Variants in SPINK4 observed in about 807,000 individuals in gnomAD.
The protein encoded by SPINK4 is serine protease inhibitor Kazal-type 4.
SPINK4 carries 10 observed loss-of-function variants against 12.3 expected under a neutral mutation model. The observed-to-expected ratio is 0.81, with a 90% CI of 0.50 to 1.37. SPINK4 has a LOEUF of 1.37. SPINK4 is among the 40% of genes most tolerant of loss of function. The pLI, the probability that SPINK4 is intolerant of heterozygous loss-of-function variation, is 0.00. For missense variants in SPINK4, 91 were observed against 109.0 expected, an observed-to-expected ratio of 0.84 and a Z score of 0.73; for synonymous variants, 37 against 40.2, an observed-to-expected ratio of 0.92 and a Z score of 0.30.
At chr9:33,246,778 T>G in intron 3 of SPINK4, 50 bp downstream of exon 3, 1 of 1,535,634 alleles carries the variant, frequency 6.5e-7, no homozygotes, top group Non-Finnish European at 9.0e-7. Context: ...CCATCTCTGG[T>G]GCACAGTCTG....
At chr9:33,245,248 C>T (rs1456725885) in intron 2 of SPINK4, 96 bp downstream of exon 2, 1 of 1,336,390 alleles carries the variant, frequency 7.5e-7, no homozygotes, top group African/African-American at 1.5e-5. Flanking sequence ...CGATCCTGCT[C>T]AGACACCTTC....
intron 1 of SPINK4, among the ~76,000 whole-genome samples, chr9:33,242,557 C>T (rs1820247959): frequency 6.6e-6 from 1 of 151,998 alleles, no homozygotes; most frequent in Non-Finnish European, 1.5e-5. Context: ...TTAGGGTCAG[C>T]TTACGCAGTA....
At chr9:33,247,368 A>G (rs1319497746) in intron 3 of SPINK4, among the ~76,000 whole-genome samples, 2 of 149,282 alleles carry the variant, frequency 1.3e-5, no homozygotes, top group African/African-American at 4.9e-5. Flanking sequence ...GGGTTTCACC[A>G]TGTTGGCCAG....
At chr9:33,242,979 G>A (rs916278070) in intron 1 of SPINK4, among the ~76,000 whole-genome samples, 10 of 151,450 alleles carry the variant, frequency 6.6e-5, no homozygotes, top group East Asian at 1.9e-4. Context: ...GGATTCAAAC[G>A]ATCCTCCTAT....
chr9:33,246,767 C>T (rs1205168971), intron 3 of SPINK4, 39 bp downstream of exon 3: 1 of 1,562,250 alleles, frequency 6.4e-7, no homozygotes, highest in African/African-American at 1.4e-5. Context: ...TTGGGTGGGC[C>T]CCATCTCTGG....
chr9:33,245,255 C>G, intron 2 of SPINK4, 103 bp downstream of exon 2: 2 of 1,289,184 alleles, frequency 1.6e-6, no homozygotes, highest in Non-Finnish European at 2.1e-6. Context: ...GCTCAGACAC[C>G]TTCAATGGCT....
Position 33,240,204 on chromosome 9 carries a change from T to C in SPINK4, c.-5T>C, listed in dbSNP as rs2117863827. 6.2e-7 allele frequency: 1 copy of C among 1,603,710 alleles called. No individual in the cohort carries two copies. Among genetic ancestry groups the C allele is most frequent in the East Asian group, 2.3e-5 (1 of 43,828 alleles). On this transcript the variant is annotated 5_prime_UTR_variant, in exon 1 of 4. Coordinates refer to ENST00000379721, the MANE Select transcript of SPINK4 (RefSeq NM_014471.3). ...CAGCTCAGGCTACACTATCCCAGGATCAGCATGGCCGTCCGCCAGTGGGTA... is the reference window on the plus strand; with the variant it reads ...CAGCTCAGGCTACACTATCCCAGGACCAGCATGGCCGTCCGCCAGTGGGTA...
At chr9:33,247,160 A>ATT (rs34574251) in intron 3 of SPINK4, among the ~76,000 whole-genome samples, 75,826 of 136,020 alleles carry the variant, frequency 0.56, 25,699 homozygotes, top group East Asian at 0.73. Context: ...GCAGCACAGA[A>ATT]TTTTTTTTTT....
chr9:33,247,158 G>T (rs1429425063), intron 3 of SPINK4, among the ~76,000 whole-genome samples: 1 of 104,170 alleles, frequency 9.6e-6, no homozygotes, highest in Non-Finnish European at 2.0e-5. Context: ...TTGCAGCACA[G>T]AATTTTTTTT....
At chr9:33,241,129 T>A (rs912305598) in intron 1 of SPINK4, among the ~76,000 whole-genome samples, 1 of 135,814 alleles carries the variant, frequency 7.4e-6, no homozygotes, top group Non-Finnish European at 1.5e-5. Flanking sequence ...TGGGAGAAGA[T>A]TCCAGGCAGA....
chr9:33,248,335 G>A lies in SPINK4; in HGVS notation c.216-91G>A, dbSNP rs1564074778. The A allele has an allele frequency of 1.1e-5, 15 of 1,383,774 alleles. No individual in the cohort carries two copies. In the East Asian group the frequency reaches 3.4e-4, roughly 32 times the overall value. The allele number at this position is 1,383,774 out of a possible 1,614,324, so 85.7% of individuals were successfully genotyped here. On this transcript the variant is annotated intron_variant, in intron 3 of 3. Coordinates refer to ENST00000379721, the MANE Select transcript of SPINK4 (RefSeq NM_014471.3). ...ACACTGCATATGTGGGCGACGCTCA[G>A]CAGGATGTCTGGATGGACTGTGCCA...
intron 1 of SPINK4, among the ~76,000 whole-genome samples, chr9:33,244,031 T>C (rs912908069): frequency 2.0e-5 from 3 of 151,972 alleles, no homozygotes; most frequent in Admixed American, 1.3e-4. Context: ...CTTTGTGAGG[T>C]TGAAAAGAGT....
At chr9:33,246,812 T>C in intron 3 of SPINK4, 84 bp downstream of exon 3, 2 of 1,170,640 alleles carry the variant, frequency 1.7e-6, no homozygotes, top group Non-Finnish European at 2.5e-6. Context: ...TTGACCTGCT[T>C]CTTCCTTCAT....
chr9:33,246,403 C>T (rs900623129), intron 2 of SPINK4, among the ~76,000 whole-genome samples: 3 of 152,180 alleles, frequency 2.0e-5, no homozygotes, highest in African/African-American at 4.8e-5. Context: ...TGTACACATC[C>T]AGCCATAGGC....
Position 33,246,674 on chromosome 9 carries a change from G to A in SPINK4, c.161G>A (p.Cys54Tyr), listed in dbSNP as rs374686870. ...TGTTCCCAGATGTCCAACCTGGTCT[G>A]CGGCACTGATGGGCTCACATATACG... ...PTCSQMSNLV[C>Y]GTDGLTYTNE... is the part of the protein sequence containing the mutation. Residue 54 changes from cysteine (C) to tyrosine (Y), a missense_variant, in exon 3 of 4, where the codon TGC (cysteine) becomes TAC (tyrosine). By Grantham distance (194) the Cys-to-Tyr change is radical. Transcript: ENST00000379721. 17 of 1,613,938 alleles carry A rather than the reference G, an allele frequency of 1.1e-5. No individual in the cohort carries two copies. The highest frequency in any genetic ancestry group is 3.3e-5 in the Admixed American group (2 of 59,980).
rs759553135 is a variant in SPINK4, at chr9:33,246,703, G to A, written c.190G>A (p.Glu64Lys). Residue 64 changes from glutamate to lysine, a missense_variant, in exon 3 of 4, where the codon GAA becomes AAA. By Grantham distance (56) the Glu-to-Lys change is moderately conservative. Transcript: ENST00000379721. ...CACTGATGGGCTCACATATACGAAT[G>A]AATGCCAGCTCTGCTTGGCCCGGAT... ...CGTDGLTYTN[E>K]CQLCLARIKT... 6.2e-7 allele frequency: 1 copy of A among 1,613,976 alleles called. No homozygotes were observed. The highest frequency in any genetic ancestry group is 8.5e-7 in the Non-Finnish European group (1 of 1,179,998).
chr9:33,242,770 T>C (rs1820250081), intron 1 of SPINK4, among the ~76,000 whole-genome samples: 1 of 152,120 alleles, frequency 6.6e-6, no homozygotes, highest in African/African-American at 2.4e-5. Context: ...ATACAGGACC[T>C]CTTGAGACAA....
intron 1 of SPINK4, among the ~76,000 whole-genome samples, chr9:33,241,067 C>G (rs567798304): frequency 6.6e-6 from 1 of 152,098 alleles, no homozygotes; most frequent in South Asian, 2.1e-4. Flanking sequence ...TCTGAGAGTC[C>G]GATGTTTGAG....
intron 2 of SPINK4, 25 bp downstream of exon 2, chr9:33,245,177 A>C: frequency 6.2e-7 from 1 of 1,611,074 alleles, no homozygotes; most frequent in Non-Finnish European, 8.5e-7. Context: ...TGTTGTTCTC[A>C]CCTTCTCTCT....
Sources: allele counts gnomAD v4.1 joint callset (sites outside exome capture counted in the v4.1 genomes callset), GRCh38; gene constraint gnomAD v4.1.1; transcripts MANE v1.5; gene names NCBI Gene and HGNC (gene_info 2026-07-23, HGNC 2026-07-21).